Variants in ZNF516 observed in about 807,000 individuals in gnomAD.
ZNF516 encodes the protein zinc finger protein 516.
ZNF516 carries 19 observed loss-of-function variants against 79.7 expected under a neutral mutation model. That is an observed-to-expected ratio of 0.24 (90% CI 0.17 to 0.35). The LOEUF is 0.35. ZNF516 is among the 10% of genes least tolerant of loss of function. The probability of loss-of-function intolerance (pLI) is 1.00; values close to 1 mark genes in which losing one functional copy is unlikely to be tolerated. For synonymous variants in ZNF516, 877 were observed against 739.5 expected (o/e 1.19, Z -3.02); for missense variants, 1,678 against 1,679.5 (o/e 1.00, Z 0.02).
chr18:76,401,122 T>C (rs762182716), intron 3 of ZNF516, among the ~76,000 whole-genome samples: 20 of 152,200 alleles, frequency 1.3e-4, no homozygotes, highest in Non-Finnish European at 2.8e-4. Flanking sequence ...GCTAAGCTCA[T>C]GGGAGTTATT....
rs1315204424 is a variant in ZNF516, at chr18:76,493,316, C to A, written c.-272+1828G>T. On this transcript the variant is annotated intron_variant, in intron 1 of 6. Coordinates refer to ENST00000443185, the MANE Select transcript of ZNF516 (RefSeq NM_014643.4). The surrounding 1 kb of genome is among the most constrained non-coding windows in gnomAD (Gnocchi z 5.2). Reference sequence around the variant, plus strand: ...GGAGCTCCGAGAAAGAAGGAGGGGTCATTCCGCGGGGGGCGGGGGGGGGGG... The same window carrying A: ...GGAGCTCCGAGAAAGAAGGAGGGGTAATTCCGCGGGGGGCGGGGGGGGGGG... The A allele has an allele frequency of 1.7e-5, 1 of 60,512 alleles. No homozygotes were observed. The allele number at this position is 60,512 out of a possible 1,614,324, so 3.7% of individuals were successfully genotyped here. A position where few individuals can be genotyped will look rare whatever the true frequency, so the allele number is the denominator to read the frequency against.
chr18:76,485,209 A>G (rs1483305026), intron 1 of ZNF516, among the ~76,000 whole-genome samples: 2 of 152,236 alleles, frequency 1.3e-5, no homozygotes, highest in Non-Finnish European at 2.9e-5. Context: ...GGTGTTACTC[A>G]AAGGGACAAA....
intron 3 of ZNF516, among the ~76,000 whole-genome samples, chr18:76,410,040 T>C (rs1019258317): frequency 2.0e-5 from 3 of 152,192 alleles, no homozygotes; most frequent in Admixed American, 1.3e-4. Flanking sequence ...GATGTGCCTT[T>C]GCTCTTCCTT....
At chr18:76,438,004 A>G (rs1230182958) in intron 3 of ZNF516, among the ~76,000 whole-genome samples, 1 of 152,234 alleles carries the variant, frequency 6.6e-6, no homozygotes, top group Non-Finnish European at 1.5e-5. Flanking sequence ...TGGATTTTAC[A>G]TGACAGATAT....
chr18:76,407,059 T>C (rs1056380791), intron 3 of ZNF516, among the ~76,000 whole-genome samples: 15 of 152,234 alleles, frequency 9.9e-5, no homozygotes, highest in African/African-American at 3.6e-4. Flanking sequence ...GGTGGACAGG[T>C]TAGAACGGCT....
At chr18:76,440,585 A>C (rs2075801066) in intron 3 of ZNF516, among the ~76,000 whole-genome samples, 1 of 152,262 alleles carries the variant, frequency 6.6e-6, no homozygotes, top group African/African-American at 2.4e-5. Context: ...AAGCATCTTT[A>C]AATATTTACA....
chr18:76,479,941 G>T (rs1392948118), intron 1 of ZNF516, among the ~76,000 whole-genome samples: 2 of 152,184 alleles, frequency 1.3e-5, no homozygotes, highest in Non-Finnish European at 2.9e-5. Flanking sequence ...TTAAAGCAAT[G>T]TACCTTCCCC....
intron 3 of ZNF516, among the ~76,000 whole-genome samples, chr18:76,434,312 A>G (rs2075701948): frequency 6.6e-6 from 1 of 152,114 alleles, no homozygotes; most frequent in Non-Finnish European, 1.5e-5. Flanking sequence ...AATGACATTC[A>G]CCCAACAGGT....
rs1568337750 is a variant in ZNF516, at chr18:76,493,523, TAAGA to T, written c.-272+1617_-272+1620del. On this transcript the variant is annotated intron_variant, in intron 1 of 6. Coordinates refer to ENST00000443185, the MANE Select transcript of ZNF516 (RefSeq NM_014643.4). The surrounding 1 kb of genome is among the most constrained non-coding windows in gnomAD (Gnocchi z 5.2). ...GCATGCGCCAGCAATCGTGTTTCCTTAAGAAAGAACTGACCTATTTTTGGCTGGA... is the reference window on the plus strand; with the variant it reads ...GCATGCGCCAGCAATCGTGTTTCCTTAAGAACTGACCTATTTTTGGCTGGA... 4 of 152,256 alleles carry T rather than the reference TAAGA, an allele frequency of 2.6e-5. No individual in the cohort carries two copies. Among genetic ancestry groups the T allele is most frequent in the African/African-American group, 2.4e-5 (1 of 41,458 alleles). The allele number at this position is 152,256 out of a possible 1,614,324, so 9.4% of individuals were successfully genotyped here. A position where few individuals can be genotyped will look rare whatever the true frequency, so the allele number is the denominator to read the frequency against.
Position 76,441,587 on chromosome 18 carries a change from C to T in ZNF516, c.1468G>A (p.Ala490Thr), listed in dbSNP as rs1320750132. The T allele has an allele frequency of 3.5e-6, 5 of 1,436,138 alleles. No individual in the cohort carries two copies. The East Asian group carries it at 8.7e-5, about 25-fold the overall frequency. 89.0% of individuals were successfully genotyped at this position (1,436,138 alleles called of 1,614,324 possible). A position where few individuals can be genotyped will look rare whatever the true frequency, so the allele number is the denominator to read the frequency against. Residue 490 changes from alanine to threonine, a missense_variant, in exon 3 of 7, where the codon GCC becomes ACC. By Grantham distance (58) the Ala-to-Thr change is moderately conservative. Around this residue, in one of 5 missense-constraint regions of ZNF516, gnomAD observed 1,294 missense variants for 1,248.3 expected, o/e 1.04. Transcript: ENST00000443185. Reference sequence around the variant, plus strand: ...GCCGAGCGGGGATCGAGGTGGCCGGCGGGCGCGGGGTCCCCAGGCCCGCTC... The same window carrying T: ...GCCGAGCGGGGATCGAGGTGGCCGGTGGGCGCGGGGTCCCCAGGCCCGCTC... ...RASGPGDPAPAGHLDPRSAAR... is the reference protein window; with the variant it reads ...RASGPGDPAPTGHLDPRSAAR...
At chr18:76,475,423 T>C (rs1914117922) in intron 1 of ZNF516, among the ~76,000 whole-genome samples, 1 of 152,238 alleles carries the variant, frequency 6.6e-6, no homozygotes, top group Non-Finnish European at 1.5e-5. Context: ...ACTTTATCTT[T>C]GTTGGTAAAT....
At chr18:76,441,183 G>T in intron 3 of ZNF516, 62 bp downstream of exon 3, 1 of 1,545,940 alleles carries the variant, frequency 6.5e-7, no homozygotes, top group Non-Finnish European at 8.7e-7. Flanking sequence ...CGTTTACCTG[G>T]AAGCAGGAAC....
At chr18:76,396,203 T>C (rs2075144371) in intron 3 of ZNF516, among the ~76,000 whole-genome samples, 1 of 152,184 alleles carries the variant, frequency 6.6e-6, no homozygotes, top group Non-Finnish European at 1.5e-5. Context: ...TCTTCTTAGA[T>C]GTTCCCTCTT....
At chr18:76,392,048 TGAA>T (rs2075081490) in intron 3 of ZNF516, among the ~76,000 whole-genome samples, 1 of 152,154 alleles carries the variant, frequency 6.6e-6, no homozygotes, top group Non-Finnish European at 1.5e-5. Context: ...AGCACACAGC[TGAA>T]GAAGAGCCTC....
In ZNF516 at chr18:76,493,421, ACGTTTCTT is replaced by A. The variant is rs1380941047; in HGVS notation, c.-272+1715_-272+1722del. ...CTTCCATTGATCTCGAAATTCAAAA[ACGTTTCTT>A]CACAGGTCAGATTGTAACAAACACT... On this transcript the variant is annotated intron_variant, in intron 1 of 6. Coordinates refer to ENST00000443185, the MANE Select transcript of ZNF516 (RefSeq NM_014643.4). This position sits in a 1 kb window ranked among gnomAD's most constrained non-coding sequence, Gnocchi z 5.2. The A allele has an allele frequency of 6.5e-6, 1 of 153,894 alleles. No homozygotes were observed. Among genetic ancestry groups the A allele is most frequent in the Non-Finnish European group, 1.4e-5 (1 of 69,658 alleles). The allele number at this position is 153,894 out of a possible 1,614,324, so 9.5% of individuals were successfully genotyped here. A position where few individuals can be genotyped will look rare whatever the true frequency, so the allele number is the denominator to read the frequency against.
intron 3 of ZNF516, among the ~76,000 whole-genome samples, chr18:76,383,356 G>A (rs1299783962): frequency 6.6e-6 from 1 of 151,964 alleles, no homozygotes; most frequent in Non-Finnish European, 1.5e-5. Flanking sequence ...TTCTCAGCCA[G>A]GGACCCAGGA....
rs367565077 is a variant in ZNF516, at chr18:76,379,352, C to G, written c.2762G>C (p.Gly921Ala). Residue 921 changes from glycine to alanine, a missense_variant, in exon 4 of 7, where the codon GGT becomes GCT. Physicochemically the swap from Gly to Ala is moderately conservative, Grantham distance 60. Coordinates refer to ENST00000443185, the MANE Select transcript of ZNF516 (RefSeq NM_014643.4). ...GGCGCTCCTGCTGAAGCCCCCGCCA[C>G]CCGGGGCAGGCACCGGTTTGGAGCT... ...EASSKPVPAP[G>A]GGGFSRSATP... 5.6e-6 allele frequency: 9 copies of G among 1,593,538 alleles called. No homozygotes were observed. The highest frequency in any genetic ancestry group is 1.7e-4 in the Middle Eastern group (1 of 5,946).
chr18:76,384,882 T>C (rs1364945282), intron 3 of ZNF516, among the ~76,000 whole-genome samples: 3 of 152,180 alleles, frequency 2.0e-5, no homozygotes, highest in Non-Finnish European at 4.4e-5. Flanking sequence ...CGGTGCTGAT[T>C]TGAGCATGGC....
At position 76,459,148 on chromosome 18, in the gene ZNF516, C is replaced by T. The variant is rs536077814; in HGVS notation, c.-158+3880G>A. Reference sequence around the variant, plus strand: ...GCCCATGTGCCTGGATTACCAGCTTCGCACAGAGCCAGACGCTGCAGCAGT... The same window carrying T: ...GCCCATGTGCCTGGATTACCAGCTTTGCACAGAGCCAGACGCTGCAGCAGT... On this transcript the variant is annotated intron_variant, in intron 2 of 6. Transcript: ENST00000443185. The surrounding 1 kb of genome is among the most constrained non-coding windows in gnomAD (Gnocchi z 5.0). Among the ~76,000 whole-genome samples the T allele has an allele frequency of 2.5e-4, 38 of 152,362 alleles. No homozygotes were observed. Among genetic ancestry groups the T allele is most frequent in the African/African-American group, 9.1e-4 (38 of 41,592 alleles).
Sources: gnomAD v4.1 joint callset for allele counts (sites outside exome capture counted in the v4.1 genomes callset) on GRCh38, gnomAD v4.1.1 for gene constraint, gnomAD v4.1.1 regional missense constraint, Gnocchi (gnomAD v3.1) non-coding constraint, MANE v1.5 for transcripts, NCBI Gene and HGNC (gene_info 2026-07-23, HGNC 2026-07-21) for gene names.